The following IL16 variants were observed in gnomAD, a reference collection of about 807,000 sequenced individuals.
IL16 encodes interleukin 16.
IL16 carries 67 observed loss-of-function variants against 110.1 expected under a neutral mutation model. That is an observed-to-expected ratio of 0.61 (90% CI 0.50 to 0.75). IL16 has a LOEUF of 0.75. Ranked by LOEUF, IL16 falls within the 30% of genes least tolerant of loss-of-function variation. The pLI, the probability that IL16 is intolerant of heterozygous loss-of-function variation, is 0.00. For synonymous variants in IL16, 689 were observed against 662.9 expected (o/e 1.04, Z -0.61); for missense variants, 1,545 against 1,655.0 (o/e 0.93, Z 1.15).
chr15:81,279,855 G>A (rs1899093280), intron 8 of IL16, 81 bp downstream of exon 8: 1 of 1,202,786 alleles, frequency 8.3e-7, no homozygotes. Context: ...CTTGGAATCA[G>A]TCCAGAGGTA....
intron 3 of IL16, among the ~76,000 whole-genome samples, chr15:81,262,024 C>T (rs960086146): frequency 1.3e-5 from 2 of 152,194 alleles, no homozygotes; most frequent in African/African-American, 4.8e-5. Context: ...CATGATTGTG[C>T]CACTGCACTC....
At chr15:81,290,086 T>C (rs1899639138) in intron 10 of IL16, 1 of 313,488 alleles carries the variant, frequency 3.2e-6, no homozygotes, top group Non-Finnish European at 6.1e-6. Context: ...ATTGTGATTA[T>C]TACGATATTG....
At chr15:81,294,750 A>G (rs989227054) in intron 12 of IL16, among the ~76,000 whole-genome samples, 1 of 152,134 alleles carries the variant, frequency 6.6e-6, no homozygotes. Flanking sequence ...ACATAATTTT[A>G]TTGGGCACTG....
chr15:81,232,054 T>TTTTC (rs1897018793), intron 2 of IL16, among the ~76,000 whole-genome samples: 1 of 133,544 alleles, frequency 7.5e-6, no homozygotes, highest in Non-Finnish European at 1.5e-5. Flanking sequence ...TTTTTTTTTT[T>TTTTC]TTTTTTTTTT....
At chr15:81,308,535 T>A in intron 18 of IL16, 70 bp from the exon 19 acceptor site, 1 of 1,156,436 alleles carries the variant, frequency 8.6e-7, no homozygotes. Flanking sequence ...TCTTTGGAGA[T>A]CAAGGAGAGG....
At chr15:81,254,386 T>C (rs1197270709) in intron 2 of IL16, among the ~76,000 whole-genome samples, 1 of 152,240 alleles carries the variant, frequency 6.6e-6, no homozygotes, top group Non-Finnish European at 1.5e-5. Context: ...ATTCCTTGGT[T>C]GCATGAGAAT....
intron 2 of IL16, among the ~76,000 whole-genome samples, chr15:81,227,095 G>C (rs1443994588): frequency 6.6e-6 from 1 of 152,092 alleles, no homozygotes. Flanking sequence ...GGGTGTAGGA[G>C]GGCTGTGGGA....
Position 81,313,457 on chromosome 15 carries a change from C to G in IL16, c.*4659C>G. The stretch of plus-strand genomic sequence containing the variant: ...TGATCTGCAGCAGAGGTGCTGGGGA[C>G]GAGCGCCAGGCAGGTGAGCAGAGCC... On this transcript the variant is annotated 3_prime_UTR_variant, in exon 19 of 19. Transcript: ENST00000683961. The G allele has an allele frequency of 7.0e-7, 1 of 1,433,054 alleles. No homozygotes were observed. Among genetic ancestry groups the G allele is most frequent in the Non-Finnish European group, 9.2e-7 (1 of 1,085,950 alleles). 88.8% of individuals were successfully genotyped at this position (1,433,054 alleles called of 1,614,324 possible).
At chr15:81,217,390 CA>C (rs1431568831) in intron 1 of IL16, among the ~76,000 whole-genome samples, 2 of 151,870 alleles carry the variant, frequency 1.3e-5, no homozygotes, top group African/African-American at 2.4e-5. Context: ...TAAAATAGAC[CA>C]ACCAAGGAAG....
At chr15:81,245,724 C>CTTTT (rs1009292228) in intron 2 of IL16, among the ~76,000 whole-genome samples, 730 of 61,248 alleles carry the variant, frequency 0.012, 94 homozygotes, top group African/African-American at 0.033. Context: ...TTTGTTTTGG[C>CTTTT]TTTTTTTTTT....
intron 1 of IL16, among the ~76,000 whole-genome samples, chr15:81,187,228 TC>T (rs765361199): frequency 4.6e-5 from 7 of 152,208 alleles, no homozygotes; most frequent in Admixed American, 2.6e-4. Flanking sequence ...AATGTATGTA[TC>T]TTAAGTGCAC....
chr15:81,300,619 G>C (rs1216489719), intron 14 of IL16, 144 bp downstream of exon 14: 9 of 568,950 alleles, frequency 1.6e-5, no homozygotes, highest in Non-Finnish European at 2.7e-5. Flanking sequence ...CTTTCCATGT[G>C]TGTGCAGATG....
intron 2 of IL16, among the ~76,000 whole-genome samples, chr15:81,244,576 A>G (rs1897469567): frequency 6.6e-6 from 1 of 152,104 alleles, no homozygotes; most frequent in South Asian, 2.1e-4. Flanking sequence ...TTTCCTTTAT[A>G]ATTAATGTGT....
At chr15:81,215,711 T>G (rs1410623239) in intron 1 of IL16, among the ~76,000 whole-genome samples, 1 of 152,190 alleles carries the variant, frequency 6.6e-6, no homozygotes, top group African/African-American at 2.4e-5. Context: ...GAGGCATAGC[T>G]TGTTCCCACC....
chr15:81,196,775 C>A, upstream of IL16: 1 of 989,524 alleles, frequency 1.0e-6, no homozygotes, highest in Non-Finnish European at 1.3e-6. Context: ...TGAGGCTGAG[C>A]TTCTCAGCAC....
At chr15:81,284,054 C>T (rs1054642930) in intron 9 of IL16, among the ~76,000 whole-genome samples, 12 of 146,112 alleles carry the variant, frequency 8.2e-5, no homozygotes, top group African/African-American at 2.5e-4. Flanking sequence ...AAGAGAAATA[C>T]AGGTTCTTTC....
Position 81,299,768 on chromosome 15 carries a change from G to A in IL16, c.2442G>A (p.Leu814=), listed in dbSNP as rs1567044387. 1 of 1,614,116 alleles carries A rather than the reference G, an allele frequency of 6.2e-7. No individual in the cohort carries two copies. Among genetic ancestry groups the A allele is most frequent in the Non-Finnish European group, 8.5e-7 (1 of 1,180,022 alleles). ...CAAGAGGGCTCCCTGATCCTGCCTTGTCCACCCAGCCAGCACCTGCTTCCA... is the reference window on the plus strand; with the variant it reads ...CAAGAGGGCTCCCTGATCCTGCCTTATCCACCCAGCCAGCACCTGCTTCCA... The part of the protein sequence containing the change: ...SDPRGLPDPA[L]STQPAPASRE... Residue 814 remains leucine, a synonymous_variant, in exon 14 of 19, where the codon TTG becomes TTA. Transcript: ENST00000683961.
Position 81,285,714 on chromosome 15 carries a change from G to T in IL16, c.1216G>T (p.Val406Leu). The T allele has an allele frequency of 1.9e-6, 3 of 1,614,140 alleles. No individual in the cohort carries two copies. The highest frequency in any genetic ancestry group is 2.5e-6 in the Non-Finnish European group (3 of 1,180,010). The stretch of plus-strand genomic sequence containing the variant: ...CTTGCACAGGTGTGGGGACGAGATT[G>T]TGGAAATCAGTGATTCCCCTGTGCA... ...DGRLRCGDEI[V>L]EISDSPVHCL... The change falls in exon 10 of 19, where the codon GTG (valine) becomes TTG (leucine). Residue 406 changes from valine to leucine, a missense_variant. This residue lies in a region of IL16 where 1,185 missense variants were observed against 1,238.8 expected (regional missense o/e 0.96). Transcript: ENST00000683961.
chr15:81,267,275 G>A (rs4531696), intron 4 of IL16, among the ~76,000 whole-genome samples: 65,027 of 152,004 alleles, frequency 0.43, 15,748 homozygotes, highest in African/African-American at 0.67. Context: ...CTGTGCTGAA[G>A]AGAATTGAGG....
Sources: allele counts gnomAD v4.1 joint callset (sites outside exome capture counted in the v4.1 genomes callset), GRCh38; gene constraint gnomAD v4.1.1; regional missense constraint gnomAD v4.1.1; transcripts MANE v1.5; gene names NCBI Gene and HGNC (gene_info 2026-07-23, HGNC 2026-07-21).